GRM7: variants seen among roughly 807,000 people sequenced by gnomAD.
GRM7 encodes the protein metabotropic glutamate receptor 7.
A neutral mutation model predicts 84.5 loss-of-function variants in GRM7; 35 were observed. The ratio of observed to expected loss-of-function variants is 0.41; its 90% CI spans 0.32 to 0.55. GRM7 has a LOEUF of 0.55. Among genes scored for constraint, GRM7 ranks in the 20% least tolerant of loss-of-function variants. GRM7 has a pLI of 0.19. For missense variants in GRM7, 1,003 were observed against 1,194.6 expected (o/e 0.84, Z 2.36); for synonymous variants, 487 against 455.1 (o/e 1.07, Z -0.89).
chr3:7,594,975 T>C (rs532980069), intron 8 of GRM7, among the ~76,000 whole-genome samples: 29 of 152,282 alleles, frequency 1.9e-4, no homozygotes, highest in African/African-American at 6.5e-4. Context: ...TACATGTGTA[T>C]TTCTGAGGCA....
chr3:7,378,174 C>T (rs1248245327), intron 4 of GRM7, among the ~76,000 whole-genome samples: 1 of 152,160 alleles, frequency 6.6e-6, no homozygotes, highest in Non-Finnish European at 1.5e-5. Flanking sequence ...AGAGACAATA[C>T]ACTCCTAGAT....
At chr3:7,708,700 T>A (rs767419229) in intron 9 of GRM7, among the ~76,000 whole-genome samples, 6 of 152,088 alleles carry the variant, frequency 3.9e-5, no homozygotes, top group Non-Finnish European at 8.8e-5. Context: ...TGGAAACCAG[T>A]CACTCGTAAT....
intron 2 of GRM7, among the ~76,000 whole-genome samples, chr3:7,169,087 G>T (rs376530850): frequency 6.6e-6 from 1 of 152,226 alleles, no homozygotes; most frequent in Admixed American, 6.5e-5. Context: ...CCCAATCTAT[G>T]TGTCCTTTGC....
Position 7,151,281 on chromosome 3 carries a change from C to T in GRM7, c.736+4613C>T, listed in dbSNP as rs1467354038. 6.6e-6 allele frequency among the ~76,000 whole-genome samples: 1 copy of T among 152,110 alleles called. No homozygotes were observed. Among genetic ancestry groups the T allele is most frequent in the East Asian group, 1.9e-4 (1 of 5,180 alleles). On this transcript the variant is annotated intron_variant, in intron 2 of 9. Coordinates refer to ENST00000357716, the MANE Select transcript of GRM7 (RefSeq NM_000844.4). This position sits in a 1 kb window ranked among gnomAD's most constrained non-coding sequence, Gnocchi z 4.5. ...AATTAACCTGGCATGGTGGCATGCA[C>T]CTGTAATCCCAGCTACTGGCGAGGC...
At chr3:7,117,727 G>T (rs1308832284) in intron 1 of GRM7, among the ~76,000 whole-genome samples, 1 of 152,178 alleles carries the variant, frequency 6.6e-6, no homozygotes, top group Non-Finnish European at 1.5e-5. Context: ...GCCATGTGAA[G>T]TTGAGCAAAT....
intron 1 of GRM7, among the ~76,000 whole-genome samples, chr3:6,939,629 G>T (rs1697818532): frequency 1.3e-5 from 2 of 152,074 alleles, no homozygotes; most frequent in Admixed American, 1.3e-4. Context: ...TCCACAGTAG[G>T]CAATTAATGC....
At chr3:7,630,029 G>A (rs888540576) in intron 8 of GRM7, among the ~76,000 whole-genome samples, 4 of 152,206 alleles carry the variant, frequency 2.6e-5, no homozygotes, top group Admixed American at 6.5e-5. Context: ...AGTTGGAAAC[G>A]AGGTGGTATT....
chr3:7,273,826 G>A (rs1698954771), intron 2 of GRM7, among the ~76,000 whole-genome samples: 1 of 151,786 alleles, frequency 6.6e-6, no homozygotes, highest in African/African-American at 2.4e-5. Context: ...ACAACCTCTG[G>A]CTTTTAGTTG....
intron 7 of GRM7, among the ~76,000 whole-genome samples, chr3:7,510,529 T>A (rs903451796): frequency 3.9e-5 from 6 of 152,226 alleles, no homozygotes; most frequent in Middle Eastern, 3.4e-3. Flanking sequence ...CAATCTCCTT[T>A]AGATACAAAC....
In GRM7 at chr3:7,503,092, C is replaced by T. The variant is rs565611444; in HGVS notation, c.1515+41370C>T. ...TGTGTCTACTTACAATCACAAGGAGCGCCTAGAAAGCTGGGCAGAGGAAAA... is the reference window on the plus strand; with the variant it reads ...TGTGTCTACTTACAATCACAAGGAGTGCCTAGAAAGCTGGGCAGAGGAAAA... On this transcript the variant is annotated intron_variant, in intron 7 of 9. Transcript: ENST00000357716. Among the ~76,000 whole-genome samples, 4 of 152,224 alleles carry T rather than the reference C, an allele frequency of 2.6e-5. No homozygotes were observed. In the South Asian group the frequency reaches 6.2e-4, roughly 24 times the overall value.
intron 1 of GRM7, among the ~76,000 whole-genome samples, chr3:6,865,271 A>G (rs1205412396): frequency 1.3e-5 from 2 of 152,216 alleles, no homozygotes; most frequent in Non-Finnish European, 2.9e-5. Context: ...ATCATCACAG[A>G]GTTGGGATGG....
intron 9 of GRM7, chr3:7,694,515 G>GAAATATCAACACATCTCC (rs1357096801): frequency 3.9e-5 from 9 of 232,370 alleles, no homozygotes; most frequent in African/African-American, 2.1e-4. Context: ...TTTACATCTT[G>GAAATATCAACACATCTCC]AAATATCAAC....
chr3:7,557,169 G>A (rs940478879), intron 7 of GRM7, among the ~76,000 whole-genome samples: 2 of 152,042 alleles, frequency 1.3e-5, no homozygotes, highest in Non-Finnish European at 2.9e-5. Flanking sequence ...CAAGACTCTG[G>A]GCCTGCCTTA....
chr3:7,141,249 G>C (rs1041726535), intron 1 of GRM7, among the ~76,000 whole-genome samples: 1 of 151,598 alleles, frequency 6.6e-6, no homozygotes, highest in African/African-American at 2.4e-5. Flanking sequence ...TTATAACAAG[G>C]GTAGAAGACA....
chr3:6,877,809 TCACACACACACACA>T (rs3220585), intron 1 of GRM7, among the ~76,000 whole-genome samples: 11,074 of 145,620 alleles, frequency 0.076, 499 homozygotes, highest in East Asian at 0.21. Flanking sequence ...TACACAGATA[TCACACACACACACA>T]CACACACACA....
At chr3:7,728,564 T>C (rs1267294699) in intron 9 of GRM7, among the ~76,000 whole-genome samples, 1 of 152,098 alleles carries the variant, frequency 6.6e-6, no homozygotes, top group Non-Finnish European at 1.5e-5. Flanking sequence ...CCCCCAGAAA[T>C]TTACTCAACC....
At chr3:7,490,870 T>C (rs553500765) in intron 7 of GRM7, among the ~76,000 whole-genome samples, 7 of 151,982 alleles carry the variant, frequency 4.6e-5, no homozygotes, top group East Asian at 1.9e-4. Flanking sequence ...ATACTGAGAG[T>C]CTTGAAATTC....
At chr3:7,438,973 T>C (rs886479397) in intron 5 of GRM7, among the ~76,000 whole-genome samples, 4 of 152,132 alleles carry the variant, frequency 2.6e-5, no homozygotes, top group African/African-American at 9.7e-5. Flanking sequence ...GGCAACTCAA[T>C]GTATAGATGT....
chr3:7,091,661 C>A (rs1698667776), intron 1 of GRM7, among the ~76,000 whole-genome samples: 1 of 137,254 alleles, frequency 7.3e-6, no homozygotes, highest in Admixed American at 7.3e-5. Flanking sequence ...TTTTGATATG[C>A]TCTACCTTTT....
Sources: allele counts gnomAD v4.1 joint callset (sites outside exome capture counted in the v4.1 genomes callset), GRCh38; gene constraint gnomAD v4.1.1; non-coding constraint Gnocchi (gnomAD v3.1); transcripts MANE v1.5; gene names NCBI Gene and HGNC (gene_info 2026-07-23, HGNC 2026-07-21).